Variants in MPP7 observed in about 807,000 individuals in gnomAD.
MPP7 encodes the protein MAGUK p55 subfamily member 7.
A neutral mutation model predicts 76.5 loss-of-function variants in MPP7; 60 were observed. The ratio of observed to expected loss-of-function variants is 0.78; its 90% CI spans 0.64 to 0.97. MPP7 has a LOEUF of 0.97. Among genes scored for constraint, MPP7 ranks in the 50% least tolerant of loss-of-function variants. The pLI, the probability that MPP7 is intolerant of heterozygous loss-of-function variation, is 0.00. For missense variants in MPP7, 641 were observed against 694.0 expected (o/e 0.92, Z 0.86); for synonymous variants, 237 against 244.5 (o/e 0.97, Z 0.29).
intron 13 of MPP7, among the ~76,000 whole-genome samples, chr10:28,065,926 T>C (rs1851972165): frequency 6.6e-6 from 1 of 152,222 alleles, no homozygotes; most frequent in South Asian, 2.1e-4. Flanking sequence ...AAATATTTGA[T>C]GTCTACCATA....
chr10:28,178,998 A>G (rs551556052), intron 3 of MPP7, among the ~76,000 whole-genome samples: 1 of 152,362 alleles, frequency 6.6e-6, no homozygotes, highest in South Asian at 2.1e-4. Flanking sequence ...GAACTTCTAG[A>G]AAGATGGAAG....
At chr10:28,101,685 T>C (rs2133515718) in intron 11 of MPP7, among the ~76,000 whole-genome samples, 1 of 152,142 alleles carries the variant, frequency 6.6e-6, no homozygotes, top group African/African-American at 2.4e-5. Flanking sequence ...GCATGGTAAG[T>C]GATGCTTTGT....
chr10:28,236,066 T>C (rs992393872), intron 2 of MPP7, among the ~76,000 whole-genome samples: 2 of 152,118 alleles, frequency 1.3e-5, no homozygotes, highest in South Asian at 4.1e-4. Flanking sequence ...TCCCAACAGA[T>C]CGGTAAAAAT....
intron 1 of MPP7, among the ~76,000 whole-genome samples, chr10:28,296,608 G>C (rs1841042213): frequency 6.6e-6 from 1 of 152,154 alleles, no homozygotes; most frequent in Non-Finnish European, 1.5e-5. Flanking sequence ...CTAACAATCA[G>C]TAACAAGCAA....
upstream of MPP7, among the ~76,000 whole-genome samples, chr10:28,305,146 A>G (rs572860457): frequency 1.3e-5 from 2 of 152,334 alleles, no homozygotes; most frequent in Admixed American, 1.3e-4. Context: ...CAACTTAGCA[A>G]AACTCCAGGG....
chr10:28,219,862 G>T (rs1403798308), intron 2 of MPP7, among the ~76,000 whole-genome samples: 1 of 151,944 alleles, frequency 6.6e-6, no homozygotes, highest in Non-Finnish European at 1.5e-5. Context: ...AAAATAATCA[G>T]CACTGTTCGG....
chr10:28,182,299 T>C (rs1837085068), intron 3 of MPP7, among the ~76,000 whole-genome samples: 1 of 152,230 alleles, frequency 6.6e-6, no homozygotes, highest in South Asian at 2.1e-4. Flanking sequence ...TATTTCAAAT[T>C]GATCCTGTTG....
chr10:28,311,682 A>G (rs1841290162), intron 2 of MPP7, among the ~76,000 whole-genome samples: 1 of 152,136 alleles, frequency 6.6e-6, no homozygotes, highest in African/African-American at 2.4e-5. Flanking sequence ...CAAGAATTCA[A>G]GACCAACATG....
chr10:28,094,484 G>A (rs913873642), intron 11 of MPP7, among the ~76,000 whole-genome samples: 3 of 152,162 alleles, frequency 2.0e-5, no homozygotes, highest in East Asian at 3.9e-4. Flanking sequence ...AATAATTCAT[G>A]TAAAGCTTTC....
At chr10:28,187,737 G>A (rs781571920) in intron 3 of MPP7, among the ~76,000 whole-genome samples, 18 of 152,158 alleles carry the variant, frequency 1.2e-4, no homozygotes, top group Non-Finnish European at 2.5e-4. Context: ...CCTTTTGCCC[G>A]CAAGTATGAT....
intron 3 of MPP7, among the ~76,000 whole-genome samples, chr10:28,175,804 C>T (rs1836840702): frequency 6.6e-6 from 1 of 152,108 alleles, no homozygotes; most frequent in African/African-American, 2.4e-5. Flanking sequence ...CCTGAGCCCT[C>T]TCCATGGGAG....
intron 2 of MPP7, among the ~76,000 whole-genome samples, chr10:28,231,491 T>G (rs900778500): frequency 2.0e-5 from 3 of 149,372 alleles, no homozygotes; most frequent in African/African-American, 4.9e-5. Flanking sequence ...TTGACAAAAC[T>G]CTCACAAAAT....
At chr10:28,280,547 C>T (rs74129040) in intron 1 of MPP7, among the ~76,000 whole-genome samples, 4 of 151,892 alleles carry the variant, frequency 2.6e-5, no homozygotes, top group African/African-American at 9.7e-5. Context: ...AGGGGCCTGA[C>T]GGTATAGTGA....
chr10:28,070,356 G>C (rs921154794), intron 12 of MPP7, among the ~76,000 whole-genome samples: 5 of 152,230 alleles, frequency 3.3e-5, no homozygotes, highest in African/African-American at 1.2e-4. Flanking sequence ...CCGAGATCGC[G>C]CCTCTGCACT....
chr10:28,168,770 G>A (rs571264832), intron 3 of MPP7, among the ~76,000 whole-genome samples: 29 of 151,982 alleles, frequency 1.9e-4, no homozygotes, highest in Non-Finnish European at 2.9e-4. Context: ...TGCCCACCTC[G>A]GCCTCCCAAA....
At chr10:28,204,514 T>C (rs1179569369) in intron 2 of MPP7, among the ~76,000 whole-genome samples, 1 of 149,028 alleles carries the variant, frequency 6.7e-6, no homozygotes, top group Non-Finnish European at 1.5e-5. Flanking sequence ...TAAGTGCATA[T>C]AAAATGTGAA....
At chr10:28,251,974 C>A (rs961349718) in intron 1 of MPP7, among the ~76,000 whole-genome samples, 8 of 152,196 alleles carry the variant, frequency 5.3e-5, no homozygotes, top group Admixed American at 1.3e-4. Flanking sequence ...TACTTTCCTA[C>A]GCTAATTCCT....
Position 28,092,740 on chromosome 10 carries a change from A to ATTTTTTTTT in MPP7, c.953-2908_953-2900dup, listed in dbSNP as rs536385197. 3.7e-3 allele frequency among the ~76,000 whole-genome samples: 395 copies of ATTTTTTTTT among 105,496 alleles called. 27 individuals carry two copies. The highest frequency in any genetic ancestry group is 0.015 in the African/African-American group (376 of 25,686). 69.2% of individuals were successfully genotyped at this position (105,496 alleles called of 152,430 possible). On this transcript the variant is annotated intron_variant, in intron 11 of 16. Coordinates refer to ENST00000683449, the MANE Select transcript of MPP7 (RefSeq NM_001318170.2). ...GGCATGTGCCACCACACCTGGCTCAATTTTTTTTTTTTTTTTTTTTGAAGA... is the reference window on the plus strand; with the variant it reads ...GGCATGTGCCACCACACCTGGCTCAATTTTTTTTTTTTTTTTTTTTTTTTTTTTTGAAGA...
At chr10:28,252,463 A>G (rs1210260791) in intron 1 of MPP7, among the ~76,000 whole-genome samples, 2 of 152,242 alleles carry the variant, frequency 1.3e-5, no homozygotes, top group South Asian at 4.1e-4. Flanking sequence ...CACAGTACAT[A>G]GGCATTTATT....
Sources: gnomAD v4.1 joint callset for allele counts (sites outside exome capture counted in the v4.1 genomes callset) on GRCh38, gnomAD v4.1.1 for gene constraint, MANE v1.5 for transcripts, NCBI Gene and HGNC (gene_info 2026-07-23, HGNC 2026-07-21) for gene names.